ARSD: variants seen among roughly 807,000 people sequenced by gnomAD.
The protein encoded by ARSD is testis tissue sperm-binding protein Li 39a.
In ARSD, 21 loss-of-function variants were observed where a neutral mutation model predicts 32.6. The ratio of observed to expected loss-of-function variants is 0.64; its 90% CI spans 0.46 to 0.93. ARSD has a LOEUF of 0.93. Among genes scored for constraint, ARSD ranks in the 40% least tolerant of loss-of-function variants. ARSD has a pLI of 0.00. For synonymous variants in ARSD, 224 were observed against 237.4 expected, an observed-to-expected ratio of 0.94 and a Z score of 0.52; for missense variants, 454 against 520.9, an observed-to-expected ratio of 0.87 and a Z score of 1.25.
At chrX:2,914,141 T>C (rs2088928505) in intron 6 of ARSD, 1 of 755,368 alleles carries the variant, frequency 1.3e-6, no homozygotes, top group Non-Finnish European at 1.6e-6. Flanking sequence ...ATACAGTTGA[T>C]TTTGTGCAAA....
At chrX:2,907,780 C>T in intron 9 of ARSD, 148 bp from the exon 10 acceptor site, 1 of 1,036,989 alleles carries the variant, frequency 9.6e-7, no homozygotes, top group African/African-American at 1.9e-5. Flanking sequence ...CAATCACAGC[C>T]TTCAGCTTGC....
At chrX:2,929,132 G>T (rs1202117726) in intron 1 of ARSD, 100 bp downstream of exon 1, 10 of 818,445 alleles carry the variant, frequency 1.2e-5, no homozygotes, top group African/African-American at 2.2e-5. Flanking sequence ...CTTTACAGGG[G>T]CCCAGGCTCG....
At chrX:2,927,784 C>A (rs1016898199) in intron 1 of ARSD, among the ~76,000 whole-genome samples, 9 of 108,099 alleles carry the variant, frequency 8.3e-5, no homozygotes, top group Non-Finnish European at 1.9e-5. Flanking sequence ...CAGATGTTTG[C>A]ACAGGAGTGT....
At chrX:2,912,661 T>C (rs1247619391) in intron 6 of ARSD, among the ~76,000 whole-genome samples, 1 of 111,413 alleles carries the variant, frequency 9.0e-6, no homozygotes, top group African/African-American at 3.3e-5. Context: ...GAGCACGCTT[T>C]TTTAAACATA....
intron 9 of ARSD, among the ~76,000 whole-genome samples, chrX:2,908,515 ATCTC>A (rs1179965862): frequency 1.2e-5 from 1 of 80,593 alleles, no homozygotes; most frequent in Non-Finnish European, 2.4e-5. Flanking sequence ...TGTCTCTATC[ATCTC>A]TCTCTCTCTC....
chrX:2,909,082 A>G (rs930479733), intron 8 of ARSD, among the ~76,000 whole-genome samples: 1 of 108,715 alleles, frequency 9.2e-6, no homozygotes, highest in Non-Finnish European at 1.9e-5. Context: ...AGCAGAGTGC[A>G]CACACACACA....
rs1251595583 is a variant in ARSD at position 2,910,799 on chromosome X, C to T, written c.1001-6G>A. ...GATGGCATTAAGAACCTTACCTTTA[C>T]AGAAAATGGAAAGTTTCAGGACCAA... is the stretch of plus-strand genomic sequence containing the variant. On this transcript the variant is annotated splice_polypyrimidine_tract_variant and splice_region_variant and intron_variant, in intron 6 of 9. Transcript: ENST00000381154. 8.3e-7 allele frequency: 1 copy of T among 1,203,539 alleles called. No individual in the cohort carries two copies. Among genetic ancestry groups the T allele is most frequent in the African/African-American group, 1.8e-5 (1 of 57,001 alleles).
intron 6 of ARSD, among the ~76,000 whole-genome samples, chrX:2,911,981 C>T (rs150704240): frequency 1.9e-4 from 21 of 111,272 alleles, no homozygotes; most frequent in African/African-American, 6.9e-4. Flanking sequence ...ACAAAAAATA[C>T]AAAAATTAGC....
intron 3 of ARSD, 89 bp downstream of exon 3, chrX:2,921,814 T>C: frequency 9.4e-7 from 1 of 1,067,156 alleles, no homozygotes; most frequent in South Asian, 2.3e-5. Context: ...ATTGCCCCTG[T>C]ATCTTCACCA....
intron 6 of ARSD, chrX:2,914,219 T>A: frequency 2.7e-6 from 2 of 754,067 alleles, no homozygotes; most frequent in Non-Finnish European, 3.1e-6. Flanking sequence ...TTCTCCCTAT[T>A]CTTCGTCTTT....
At chrX:2,915,365 G>C (rs2088946902) in intron 6 of ARSD, among the ~76,000 whole-genome samples, 191 bp downstream of exon 6, 1 of 111,717 alleles carries the variant, frequency 9.0e-6, no homozygotes, top group Non-Finnish European at 1.9e-5. Context: ...ATGTTGCCCA[G>C]GCTGGTCTCA....
At chrX:2,913,397 G>A (rs954473657) in intron 6 of ARSD, 47 of 469,972 alleles carry the variant, frequency 1.0e-4, no homozygotes, top group Non-Finnish European at 1.1e-4. Flanking sequence ...CCCTCTTCCC[G>A]TTATGGCATG....
intron 2 of ARSD, among the ~76,000 whole-genome samples, chrX:2,922,949 G>GAATATGACTCAGCCACTGC (rs1210782935): frequency 9.1e-6 from 1 of 109,862 alleles, no homozygotes; most frequent in Non-Finnish European, 1.9e-5. Context: ...GGAATCTATG[G>GAATATGACTCAGCCACTGC]AATATGACTC....
chrX:2,914,846 T>C (rs1428402408), intron 6 of ARSD: 6 of 999,396 alleles, frequency 6.0e-6, no homozygotes, highest in East Asian at 6.2e-5. Context: ...ATAAATGATA[T>C]GGGAGTGTGT....
At chrX:2,927,091 C>T (rs994243045) in intron 1 of ARSD, among the ~76,000 whole-genome samples, 3 of 107,125 alleles carry the variant, frequency 2.8e-5, no homozygotes, top group Admixed American at 1.0e-4. Context: ...GCAATGGCCG[C>T]GGAAGGGGAC....
intron 6 of ARSD, chrX:2,913,651 C>A (rs751664978): frequency 1.0e-4 from 101 of 994,483 alleles, no homozygotes; most frequent in Non-Finnish European, 1.2e-4. Context: ...GGAAGGTGAC[C>A]TCTCTGCATT....
chrX:2,917,611 T>C (rs1008053253), intron 5 of ARSD, among the ~76,000 whole-genome samples, 193 bp downstream of exon 5: 1 of 110,598 alleles, frequency 9.0e-6, no homozygotes, highest in African/African-American at 3.3e-5. Flanking sequence ...GTAGCTGGCA[T>C]TGCAGGCACA....
intron 6 of ARSD, among the ~76,000 whole-genome samples, chrX:2,912,792 G>A (rs1428769263): frequency 8.9e-6 from 1 of 111,798 alleles, no homozygotes; most frequent in Non-Finnish European, 1.9e-5. Flanking sequence ...GGGCATTGGC[G>A]TATTGGAGGC....
chrX:2,921,874 C>T (rs2147326115), intron 3 of ARSD, 29 bp downstream of exon 3: 1 of 1,201,173 alleles, frequency 8.3e-7, no homozygotes, highest in East Asian at 3.0e-5. Context: ...CAGATGTACC[C>T]ATTTCTCCAT....
Sources: allele counts gnomAD v4.1 joint callset (sites outside exome capture counted in the v4.1 genomes callset), GRCh38; gene constraint gnomAD v4.1.1; transcripts MANE v1.5; gene names NCBI Gene and HGNC (gene_info 2026-07-23, HGNC 2026-07-21).